The following PCDHA3 variants were observed in gnomAD, a reference collection of about 807,000 sequenced individuals.
The protein encoded by PCDHA3 is protocadherin alpha 3.
A neutral mutation model predicts 62.2 loss-of-function variants in PCDHA3; 41 were observed. The ratio of observed to expected loss-of-function variants is 0.66; its 90% confidence interval spans 0.51 to 0.86. PCDHA3 has a LOEUF of 0.86. Ranked by LOEUF, PCDHA3 falls within the 40% of genes least tolerant of loss-of-function variation. The pLI is 0.00. For synonymous variants in PCDHA3, 640 were observed against 555.4 expected (o/e 1.15, Z -2.14); for missense variants, 1,304 against 1,241.2 (o/e 1.05, Z -0.76).
intron 1 of PCDHA3, among the ~76,000 whole-genome samples, chr5:140,891,848 C>T (rs2063280221): frequency 6.6e-6 from 1 of 152,158 alleles, no homozygotes; most frequent in East Asian, 1.9e-4. Flanking sequence ...ATGGAAGGAG[C>T]CTGTCCCTCT....
At chr5:140,950,559 T>TAA (rs1381352344) in intron 1 of PCDHA3, among the ~76,000 whole-genome samples, 1 of 152,076 alleles carries the variant, frequency 6.6e-6, no homozygotes, top group African/African-American at 2.4e-5. Flanking sequence ...GGGGGACACT[T>TAA]ATTTTAAGGT....
At chr5:140,842,387 T>C (rs2150335066) in intron 1 of PCDHA3, 1 of 1,611,016 alleles carries the variant, frequency 6.2e-7, no homozygotes, top group Admixed American at 1.7e-5. Flanking sequence ...GACTTCCTTA[T>C]CCTTGCCTGT....
At chr5:140,996,832 T>G (rs1338616787) in intron 3 of PCDHA3, among the ~76,000 whole-genome samples, 1 of 152,212 alleles carries the variant, frequency 6.6e-6, no homozygotes, top group African/African-American at 2.4e-5. Flanking sequence ...TACCAATAAT[T>G]TAGCGTGCAT....
chr5:140,853,173 C>T, intron 1 of PCDHA3: 1 of 969,590 alleles, frequency 1.0e-6, no homozygotes, highest in South Asian at 4.8e-5. Context: ...GCCACCGCGC[C>T]TGGCCTAAAA....
At chr5:140,836,172 G>C (rs2150254671) in intron 1 of PCDHA3, 1 of 1,613,884 alleles carries the variant, frequency 6.2e-7, no homozygotes, top group East Asian at 2.2e-5. Flanking sequence ...GGTACGTGCA[G>C]TTGACGCTGA....
intron 1 of PCDHA3, chr5:140,835,633 G>A (rs1449740308): frequency 2.5e-5 from 40 of 1,613,932 alleles, no homozygotes; most frequent in Non-Finnish European, 3.2e-5. Flanking sequence ...GACCGCGAGA[G>A]TGTGTCCGCC....
intron 1 of PCDHA3, chr5:140,869,208 C>T (rs782200592): frequency 2.5e-6 from 4 of 1,613,990 alleles, no homozygotes; most frequent in Middle Eastern, 1.7e-4. Context: ...ACTACTCCGT[C>T]TCGGAGGAGG....
At chr5:140,877,925 T>C in intron 1 of PCDHA3, 1 of 1,421,700 alleles carries the variant, frequency 7.0e-7, no homozygotes, top group Non-Finnish European at 9.2e-7. Flanking sequence ...TTTTTCTTTA[T>C]GATTCTATCC....
rs782564746 is a variant in PCDHA3 at position 140,871,379 on chromosome 5, C to T, written c.2394+67788C>T. 2.2e-5 allele frequency: 36 copies of T among 1,614,072 alleles called. No homozygotes were observed. Among genetic ancestry groups the T allele is most frequent in the Non-Finnish European group, 2.8e-5 (33 of 1,180,034 alleles). On this transcript the variant is annotated intron_variant, in intron 1 of 3. Transcript: ENST00000522353. ...CAGCAGAGGCGGCAGAGGGTGTGCT[C>T]TGAGGAGGGCCCACCTAAGACGGAC...
chr5:140,928,940 AT>A (rs573936635), intron 1 of PCDHA3: 94 of 1,614,062 alleles, frequency 5.8e-5, no homozygotes, highest in Non-Finnish European at 7.9e-5. Flanking sequence ...CAGAACTTGT[AT>A]TTAGTAATTG....
At chr5:140,829,500 C>T (rs2150168972) in intron 1 of PCDHA3, 8 of 1,613,600 alleles carry the variant, frequency 5.0e-6, no homozygotes, top group South Asian at 4.4e-5. Context: ...AACAACCCGC[C>T]GGGCTGCCAC....
At chr5:140,990,552 C>G (rs1379026755) in intron 3 of PCDHA3, among the ~76,000 whole-genome samples, 5 of 152,130 alleles carry the variant, frequency 3.3e-5, no homozygotes, top group African/African-American at 1.2e-4. Flanking sequence ...CTGTATTACC[C>G]AAGAACACAC....
rs2150357213 is a variant in PCDHA3 at position 140,843,314 on chromosome 5, G to T, written c.2394+39723G>T. 3.8e-6 allele frequency: 6 copies of T among 1,596,084 alleles called. 2 individuals carry two copies. Among genetic ancestry groups the T allele is most frequent in the Non-Finnish European group, 5.1e-6 (6 of 1,165,598 alleles). ...ACCTGCGCTGACCGCCACGGCCACG[G>T]TTCTGGTGTCGCTGGTGGAGAGCGG... is the stretch of plus-strand genomic sequence containing the variant. On this transcript the variant is annotated intron_variant, in intron 1 of 3. Transcript: ENST00000522353.
At chr5:140,848,532 C>G (rs2150412105) in intron 1 of PCDHA3, 1 of 1,594,974 alleles carries the variant, frequency 6.3e-7, no homozygotes, top group Non-Finnish European at 8.6e-7. Context: ...AGAGGGTCAG[C>G]CTCTACTGCT....
chr5:140,989,788 G>GC (rs1331311072), intron 3 of PCDHA3, among the ~76,000 whole-genome samples: 30 of 152,276 alleles, frequency 2.0e-4, no homozygotes, highest in African/African-American at 4.6e-4. Context: ...GAGACTAGAG[G>GC]CCCCCAGGAA....
chr5:140,976,374 A>G (rs1163913998), intron 1 of PCDHA3, among the ~76,000 whole-genome samples: 2 of 152,040 alleles, frequency 1.3e-5, no homozygotes, highest in Non-Finnish European at 2.9e-5. Context: ...AACATGGTGA[A>G]ACCCCATCTC....
chr5:140,946,142 CAAAT>C (rs1214309556), intron 1 of PCDHA3, among the ~76,000 whole-genome samples: 1 of 151,910 alleles, frequency 6.6e-6, no homozygotes, highest in Non-Finnish European at 1.5e-5. Context: ...AGTAAGAAAA[CAAAT>C]AACACGATTT....
chr5:140,851,439 G>C (rs2042060539), intron 1 of PCDHA3: 1 of 927,140 alleles, frequency 1.1e-6, no homozygotes, highest in African/African-American at 1.8e-5. Flanking sequence ...GAAAACAGTT[G>C]CTCCACTTTA....
chr5:140,829,810 T>A, intron 1 of PCDHA3: 1 of 1,613,866 alleles, frequency 6.2e-7, no homozygotes, highest in Non-Finnish European at 8.5e-7. Flanking sequence ...TGGGTGGTAC[T>A]GGTGGTGCAG....
Sources: gnomAD v4.1 joint callset for allele counts (sites outside exome capture counted in the v4.1 genomes callset) on GRCh38, gnomAD v4.1.1 for gene constraint, MANE v1.5 for transcripts, NCBI Gene and HGNC (gene_info 2026-07-23, HGNC 2026-07-21) for gene names.